The following CCNY variants were observed in gnomAD, a reference collection of about 807,000 sequenced individuals.
CCNY encodes cyclin Y, also known as cyclin-Y.
Under a neutral mutation model 42.8 loss-of-function variants are expected in CCNY, and 19 were observed. The ratio of observed to expected loss-of-function variants is 0.44; its 90% CI spans 0.31 to 0.65. The LOEUF (loss-of-function observed/expected upper bound fraction) is 0.65. Among genes scored for constraint, CCNY ranks in the 30% least tolerant of loss-of-function variants. The pLI is 0.07. For synonymous variants in CCNY, 165 were observed against 162.7 expected, an observed-to-expected ratio of 1.01 and a Z score of -0.11; for missense variants, 370 against 437.3, an observed-to-expected ratio of 0.85 and a Z score of 1.37.
At chr10:35,395,608 CA>C (rs1837507812) in intron 1 of CCNY, among the ~76,000 whole-genome samples, 1 of 152,132 alleles carries the variant, frequency 6.6e-6, no homozygotes, top group African/African-American at 2.4e-5. Flanking sequence ...GGGGGCAATT[CA>C]GCTAAACTGA....
At chr10:35,285,702 G>A (rs1341002425) in intron 3 of CCNY, among the ~76,000 whole-genome samples, 1 of 152,210 alleles carries the variant, frequency 6.6e-6, no homozygotes, top group Non-Finnish European at 1.5e-5. Flanking sequence ...AAAGTGGCGG[G>A]ATTAGGGGCG....
chr10:35,409,345 C>G (rs2135243982), intron 1 of CCNY, among the ~76,000 whole-genome samples: 1 of 152,306 alleles, frequency 6.6e-6, no homozygotes, highest in South Asian at 2.1e-4. Flanking sequence ...AGATCCTGTT[C>G]CTGGGAGAGT....
intron 5 of CCNY, among the ~76,000 whole-genome samples, chr10:35,527,336 G>C (rs1276004879): frequency 6.6e-6 from 1 of 152,206 alleles, no homozygotes; most frequent in African/African-American, 2.4e-5. Context: ...ATGAAGCTCA[G>C]TTGTGCTTTC....
At chr10:35,537,910 G>A (rs929706645) in intron 7 of CCNY, among the ~76,000 whole-genome samples, 23 of 152,064 alleles carry the variant, frequency 1.5e-4, no homozygotes, top group Non-Finnish European at 7.4e-5. Context: ...GGCCCGGGGT[G>A]GAATGATACG....
At chr10:35,380,223 A>G (rs780497591) in intron 1 of CCNY, among the ~76,000 whole-genome samples, 1 of 152,224 alleles carries the variant, frequency 6.6e-6, no homozygotes, top group African/African-American at 2.4e-5. Context: ...GTATTTTGTA[A>G]TGAATGCTTG....
intron 1 of CCNY, among the ~76,000 whole-genome samples, chr10:35,359,425 GTTTA>G (rs1836631324): frequency 6.6e-6 from 1 of 151,950 alleles, no homozygotes; most frequent in Non-Finnish European, 1.5e-5. Flanking sequence ...TGTGTTTTTT[GTTTA>G]TTTGTTTAAA....
chr10:35,442,904 C>G (rs188490363), intron 1 of CCNY, among the ~76,000 whole-genome samples: 1 of 152,332 alleles, frequency 6.6e-6, no homozygotes, highest in African/African-American at 2.4e-5. Flanking sequence ...GTCTAACCTA[C>G]TACACATGTA....
chr10:35,302,404 G>T (rs1835548685), intron 3 of CCNY, among the ~76,000 whole-genome samples: 1 of 149,714 alleles, frequency 6.7e-6, no homozygotes, highest in African/African-American at 2.5e-5. Flanking sequence ...TCCGTCTCCT[G>T]GGTTCAAGTG....
intron 1 of CCNY, among the ~76,000 whole-genome samples, chr10:35,457,784 C>T (rs1407064542): frequency 2.0e-5 from 3 of 152,090 alleles, no homozygotes; most frequent in African/African-American, 4.8e-5. Flanking sequence ...AGGGTTTCAC[C>T]GTGTTAGCCA....
intron 1 of CCNY, among the ~76,000 whole-genome samples, chr10:35,354,456 A>G (rs1836499108): frequency 6.6e-6 from 1 of 152,182 alleles, no homozygotes; most frequent in South Asian, 2.1e-4. Flanking sequence ...AAGTGCTGGG[A>G]TTACAGGCAT....
In CCNY at chr10:35,337,604, A is replaced by ATTT. The variant is rs532822248; in HGVS notation, c.154+398_154+399insTTT. On this transcript the variant is annotated intron_variant, in intron 1 of 9. Transcript: ENST00000374704. ...GCCAAGTTGTGCACGCGTTTGTCCT[A>ATTT]TAAAAGCGAAGTGAGTGGATTCCCA... 2.4e-3 allele frequency among the ~76,000 whole-genome samples: 371 copies of ATTT among 152,330 alleles called. 1 individual carries two copies. Among genetic ancestry groups the ATTT allele is most frequent in the African/African-American group, 6.8e-3 (282 of 41,586 alleles).
chr10:35,501,278 T>C (rs983978931), intron 2 of CCNY, among the ~76,000 whole-genome samples: 1 of 152,224 alleles, frequency 6.6e-6, no homozygotes, highest in Non-Finnish European at 1.5e-5. Context: ...GTTATTTTGT[T>C]AGGGTGCTCT....
At position 35,553,048 on chromosome 10, in the gene CCNY, A is replaced by G. The variant is rs747074559; in HGVS notation, c.609A>G (p.Ala203=). The change falls in exon 8 of 10, where the codon GCA becomes GCG. Residue 203 remains alanine, a synonymous_variant. Coordinates refer to ENST00000374704, the MANE Select transcript of CCNY (RefSeq NM_145012.6). The part of the protein sequence containing the change: ...LVYLERLLTY[A]EIDICPANWK... ...ACCTTGAAAGACTTTTAACATACGC[A>G]GAGATAGATATCTGTCCGGCCAACT... 3.7e-6 allele frequency: 6 copies of G among 1,614,082 alleles called. No homozygotes were observed. In the East Asian group the frequency reaches 1.1e-4, roughly 30 times the overall value.
In CCNY at chr10:35,336,516, C is replaced by G. The variant is rs954464046; in HGVS notation, c.-538C>G. On this transcript the variant is annotated 5_prime_UTR_variant, in exon 1 of 10. Transcript: ENST00000374704. ...CGAGGGAGGGCCGCCAGCATCCTCC[C>G]TGGCCGCGCCGCACCGCGCCGCGAG... 2 of 149,756 alleles carry G rather than the reference C, an allele frequency of 1.3e-5. No homozygotes were observed. Among genetic ancestry groups the G allele is most frequent in the Non-Finnish European group, 3.0e-5 (2 of 67,148 alleles). 9.3% of individuals were successfully genotyped at this position (149,756 alleles called of 1,614,324 possible). A position where few individuals can be genotyped will look rare whatever the true frequency, so the allele number is the denominator to read the frequency against.
At chr10:35,324,933 C>T (rs1835862168) in intron 3 of CCNY, among the ~76,000 whole-genome samples, 1 of 152,138 alleles carries the variant, frequency 6.6e-6, no homozygotes, top group African/African-American at 2.4e-5. Flanking sequence ...CTTCTGAAGG[C>T]TATAATGAGA....
chr10:35,526,473 G>A lies in CCNY; in HGVS notation c.401+474G>A, dbSNP rs543787163. Among the ~76,000 whole-genome samples, 7 of 152,136 alleles carry A rather than the reference G, an allele frequency of 4.6e-5. No individual in the cohort carries two copies. The East Asian group carries it at 1.2e-3, about 25-fold the overall frequency. On this transcript the variant is annotated intron_variant, in intron 5 of 9. Transcript: ENST00000374704. ...TGGCAATAGTTGGTTAATTTTAAAA[G>A]TCAGTTAAAACAGGGAGTGAAAAAA...
chr10:35,323,599 G>A (rs550349737), intron 3 of CCNY, among the ~76,000 whole-genome samples: 1 of 152,286 alleles, frequency 6.6e-6, no homozygotes, highest in East Asian at 1.9e-4. Flanking sequence ...GATCCACAGT[G>A]ACAGAAAACA....
At chr10:35,266,245 T>G (rs2135037324) in intron 3 of CCNY, among the ~76,000 whole-genome samples, 1 of 145,040 alleles carries the variant, frequency 6.9e-6, no homozygotes, top group Middle Eastern at 3.6e-3. Context: ...GCCCGGCTAA[T>G]TTCCTTTTTT....
chr10:35,266,648 C>G (rs925404644), intron 3 of CCNY, among the ~76,000 whole-genome samples: 2 of 152,136 alleles, frequency 1.3e-5, no homozygotes, highest in Middle Eastern at 3.4e-3. Context: ...CAGAGATAGC[C>G]CTACAGTGGG....
Sources: allele counts gnomAD v4.1 joint callset (sites outside exome capture counted in the v4.1 genomes callset), GRCh38; gene constraint gnomAD v4.1.1; transcripts MANE v1.5; gene names NCBI Gene and HGNC (gene_info 2026-07-23, HGNC 2026-07-21).